Variants in SENP7 observed in about 807,000 individuals in gnomAD.
SENP7 encodes sentrin-specific protease 7.
In SENP7, 64 loss-of-function variants were observed where a neutral mutation model predicts 141.2. The ratio of observed to expected loss-of-function variants is 0.45; its 90% confidence interval spans 0.37 to 0.56. The LOEUF (loss-of-function observed/expected upper bound fraction) is 0.56, where lower values mean the gene tolerates loss of function less well. SENP7 is among the 20% of genes least tolerant of loss of function. The pLI, the probability that SENP7 is intolerant of heterozygous loss-of-function variation, is 0.00. For missense variants in SENP7, 1,025 were observed against 1,212.2 expected (o/e 0.85, Z 2.29); for synonymous variants, 382 against 426.4 (o/e 0.90, Z 1.28).
At chr3:101,342,757 C>T (rs1165987600) in intron 14 of SENP7, among the ~76,000 whole-genome samples, 18 of 151,940 alleles carry the variant, frequency 1.2e-4, no homozygotes, top group Non-Finnish European at 1.5e-5. Flanking sequence ...TCTCCACCTC[C>T]CGGGTTCAAG....
intron 4 of SENP7, among the ~76,000 whole-genome samples, chr3:101,445,088 G>C (rs1426591239): frequency 6.6e-6 from 1 of 152,012 alleles, no homozygotes; most frequent in Admixed American, 6.6e-5. Context: ...AAAATAGCAA[G>C]AGAAGAGCAT....
At chr3:101,329,640 T>C (rs1193407193) in intron 20 of SENP7, among the ~76,000 whole-genome samples, 1 of 151,812 alleles carries the variant, frequency 6.6e-6, no homozygotes, top group East Asian at 1.9e-4. Context: ...TGAATGATTT[T>C]TACCAATAAT....
At position 101,366,569 on chromosome 3, in the gene SENP7, G is replaced by A. The variant is rs939443; in HGVS notation, c.1179C>T (p.Thr393=). 0.41 allele frequency: 669,138 copies of A among 1,612,796 alleles called. 142,040 individuals carry two copies. The highest frequency in any genetic ancestry group is 0.62 in the Admixed American group (37,074 of 59,958). ...KSASAGSTTE[T]VENSNSIDIV... ...TATCAATGGAATTAGAGTTCTCAAC[G>A]GTTTCAGTGGTTGAACCGGCAGAGG... The change falls in exon 9 of 24, where the codon ACC becomes ACT. Residue 393 remains threonine, a synonymous_variant. Transcript: ENST00000394095.
intron 13 of SENP7, 38 bp from the exon 14 acceptor site, chr3:101,343,992 T>C: frequency 7.7e-7 from 1 of 1,298,414 alleles, no homozygotes; most frequent in Non-Finnish European, 1.0e-6. Context: ...AATAGTATTA[T>C]TTTTCAAGAG....
At chr3:101,351,552 GT>G in intron 12 of SENP7, 65 bp downstream of exon 12, 1 of 1,197,118 alleles carries the variant, frequency 8.4e-7, no homozygotes. Flanking sequence ...ATTAAACTTA[GT>G]TTTACTTAAA....
chr3:101,463,378 T>TATATATATATAC lies in SENP7; in HGVS notation c.187-4327_187-4326insGTATATATATAT, dbSNP rs1553744685. Among the ~76,000 whole-genome samples, 191 of 84,364 alleles carry TATATATATATAC rather than the reference T, an allele frequency of 2.3e-3. 1 individual carries two copies. The highest frequency in any genetic ancestry group is 7.6e-3 in the African/African-American group (144 of 18,906). 55.3% of individuals were successfully genotyped at this position (84,364 alleles called of 152,430 possible). On this transcript the variant is annotated intron_variant, in intron 3 of 23. Transcript: ENST00000394095. ...ATAAATAAATAAATATATATATATA[T>TATATATATATAC]ATATATATATATATATATACATATA...
intron 5 of SENP7, among the ~76,000 whole-genome samples, chr3:101,400,544 A>G (rs1426279953): frequency 6.7e-6 from 1 of 150,136 alleles, no homozygotes; most frequent in African/African-American, 2.5e-5. Context: ...GTAATCAGTG[A>G]TATTTGATGG....
intron 3 of SENP7, among the ~76,000 whole-genome samples, chr3:101,459,942 A>G (rs1261631017): frequency 3.3e-5 from 5 of 152,198 alleles, no homozygotes; most frequent in Non-Finnish European, 5.9e-5. Context: ...TTACAATAGC[A>G]TATCAAAAAG....
chr3:101,337,929 C>A (rs2059229905), intron 16 of SENP7, among the ~76,000 whole-genome samples: 1 of 151,966 alleles, frequency 6.6e-6, no homozygotes, highest in Non-Finnish European at 1.5e-5. Context: ...CCGAGGCGGG[C>A]AGATCACGAG....
intron 1 of SENP7, among the ~76,000 whole-genome samples, chr3:101,504,879 G>A (rs2108184580): frequency 6.6e-6 from 1 of 152,042 alleles, no homozygotes; most frequent in East Asian, 1.9e-4. Context: ...AATTAGCTAG[G>A]TACAGTGACA....
chr3:101,470,418 T>C (rs1391499630), intron 3 of SENP7, among the ~76,000 whole-genome samples: 8 of 152,140 alleles, frequency 5.3e-5, no homozygotes, highest in East Asian at 3.8e-4. Flanking sequence ...ATTATCTCAA[T>C]AGATGCAGAA....
intron 4 of SENP7, among the ~76,000 whole-genome samples, chr3:101,427,363 A>G (rs1167533887): frequency 6.6e-6 from 1 of 151,456 alleles, no homozygotes; most frequent in Non-Finnish European, 1.5e-5. Flanking sequence ...GGTGGTGCAC[A>G]CCTTTAGTCT....
chr3:101,357,747 G>A (rs56263333), intron 11 of SENP7: 3 of 650,066 alleles, frequency 4.6e-6, no homozygotes, highest in East Asian at 2.8e-5. Flanking sequence ...AAGACATACT[G>A]GAAAAAAAAC....
intron 3 of SENP7, among the ~76,000 whole-genome samples, chr3:101,472,506 TG>T (rs1275474101): frequency 3.3e-5 from 5 of 151,050 alleles, no homozygotes; most frequent in African/African-American, 1.2e-4. Context: ...TGTCGCGGGG[TG>T]GGGAGCTGGG....
rs760930850 is a variant in SENP7 at position 101,341,787 on chromosome 3, A to T, written c.2107-8T>A. ...CGCATCTGTGTTTGAGGGCTGACAG[A>T]AAGTGGCAAGAAAAAGGGTCTCAAA... On this transcript the variant is annotated splice_polypyrimidine_tract_variant and splice_region_variant and intron_variant, in intron 14 of 23. Transcript: ENST00000394095. 2 of 1,578,222 alleles carry T rather than the reference A, an allele frequency of 1.3e-6. No individual in the cohort carries two copies. Among genetic ancestry groups the T allele is most frequent in the East Asian group, 4.5e-5 (2 of 44,252 alleles).
intron 4 of SENP7, among the ~76,000 whole-genome samples, chr3:101,429,871 C>T (rs111919221): frequency 0.024 from 3,594 of 152,164 alleles, 136 homozygotes; most frequent in African/African-American, 0.082. Context: ...TCCATCGATA[C>T]CTAGTTTACT....
At chr3:101,358,075 T>G in intron 11 of SENP7, 1 of 604,760 alleles carries the variant, frequency 1.7e-6, no homozygotes, top group South Asian at 1.8e-5. Context: ...ATGAGATAAT[T>G]CATAGAAACT....
intron 4 of SENP7, among the ~76,000 whole-genome samples, chr3:101,430,006 T>C (rs1183240662): frequency 6.6e-6 from 1 of 152,210 alleles, no homozygotes; most frequent in Non-Finnish European, 1.5e-5. Context: ...TTTGTGTATG[T>C]TGAACCAGCT....
chr3:101,444,533 A>C (rs1464721516), intron 4 of SENP7, among the ~76,000 whole-genome samples: 1 of 152,122 alleles, frequency 6.6e-6, no homozygotes, highest in East Asian at 1.9e-4. Context: ...AAAATGTGGC[A>C]CATATACACC....
Sources: gnomAD v4.1 joint callset for allele counts (sites outside exome capture counted in the v4.1 genomes callset) on GRCh38, gnomAD v4.1.1 for gene constraint, MANE v1.5 for transcripts, NCBI Gene and HGNC (gene_info 2026-07-23, HGNC 2026-07-21) for gene names.